The following HEATR5A variants were observed in gnomAD, a reference collection of about 807,000 sequenced individuals.
The protein encoded by HEATR5A is HEAT repeat-containing protein 5A.
A neutral mutation model predicts 218.8 loss-of-function variants in HEATR5A; 178 were observed. The ratio of observed to expected loss-of-function variants is 0.81; its 90% CI spans 0.72 to 0.92. The LOEUF (loss-of-function observed/expected upper bound fraction) is 0.92, where lower values mean the gene tolerates loss of function less well. Among genes scored for constraint, HEATR5A ranks in the 40% least tolerant of loss-of-function variants. The pLI is 0.00. For missense variants in HEATR5A, 2,420 were observed against 2,418.9 expected (o/e 1.00, Z -0.01); for synonymous variants, 864 against 871.6 (o/e 0.99, Z 0.15).
Position 31,295,999 on chromosome 14 carries a change from C to CT in HEATR5A, c.5528_5529insA (p.Ser1844ValfsTer18), listed in dbSNP as rs1566744172. 1 of 1,613,142 alleles carries CT rather than the reference C, an allele frequency of 6.2e-7. No homozygotes were observed. The highest frequency in any genetic ancestry group is 1.3e-5 in the African/African-American group (1 of 74,860). ...TGGTAGTTACTTCTGGACTGGTAGA[C>CT]AAAATAAACACTGTGATAGCAGTAA... On this transcript the variant is annotated frameshift_variant, in exon 34 of 36. Coordinates refer to ENST00000543095, the MANE Select transcript of HEATR5A (RefSeq NM_015473.4). LOFTEE classifies it high-confidence loss of function.
intron 22 of HEATR5A, among the ~76,000 whole-genome samples, chr14:31,336,241 T>C (rs1166290372): frequency 4.9e-5 from 6 of 122,472 alleles, no homozygotes; most frequent in African/African-American, 2.3e-4. Context: ...TATATATATA[T>C]ATATATATAT....
At position 31,326,267 on chromosome 14, in the gene HEATR5A, C is replaced by A. The variant is rs776049866; in HGVS notation, c.3443G>T (p.Cys1148Phe). ...LLDKETDERL[C>F]HDIKETLNYM... Reference sequence around the variant, plus strand: ...ATTTAAAGTCTCTTTGATATCATGGCATAATCTCTCATCTGTCTCCTTGTC... The same window carrying A: ...ATTTAAAGTCTCTTTGATATCATGGAATAATCTCTCATCTGTCTCCTTGTC... Residue 1148 changes from cysteine (C) to phenylalanine (F), a missense_variant, in exon 23 of 36, where the codon TGC (cysteine) becomes TTC (phenylalanine). By Grantham distance (205) the Cys-to-Phe change is radical. Transcript: ENST00000543095. 1 of 1,612,976 alleles carries A rather than the reference C, an allele frequency of 6.2e-7. No individual in the cohort carries two copies. The highest frequency in any genetic ancestry group is 1.1e-5 in the South Asian group (1 of 91,064).
intron 24 of HEATR5A, among the ~76,000 whole-genome samples, chr14:31,323,335 A>T (rs992396885): frequency 1.3e-5 from 2 of 151,988 alleles, no homozygotes. Context: ...TAATTAAAAA[A>T]ATTTTTTTAA....
chr14:31,366,766 C>G (rs1385372922), intron 13 of HEATR5A, among the ~76,000 whole-genome samples: 1 of 152,096 alleles, frequency 6.6e-6, no homozygotes, highest in Non-Finnish European at 1.5e-5. Context: ...AAAAATGAAA[C>G]AAGACATAAG....
At chr14:31,400,165 TAAG>T in intron 3 of HEATR5A, 133 bp downstream of exon 3, 1 of 559,508 alleles carries the variant, frequency 1.8e-6, no homozygotes. Flanking sequence ...GTTTCTTTTT[TAAG>T]TTAGATTTTG....
At chr14:31,316,279 C>T (rs1444400112) in intron 26 of HEATR5A, among the ~76,000 whole-genome samples, 1 of 151,690 alleles carries the variant, frequency 6.6e-6, no homozygotes, top group Non-Finnish European at 1.5e-5. Flanking sequence ...CAGAGTGAGA[C>T]CCCATCTCTT....
chr14:31,389,710 C>T (rs145786603), intron 6 of HEATR5A, among the ~76,000 whole-genome samples: 97 of 152,212 alleles, frequency 6.4e-4, no homozygotes, highest in Admixed American at 5.4e-3. Flanking sequence ...AGCTCTGACC[C>T]TCTACAAGAG....
intron 9 of HEATR5A, among the ~76,000 whole-genome samples, chr14:31,384,915 C>G (rs1208797755): frequency 6.6e-6 from 1 of 152,126 alleles, no homozygotes; most frequent in Non-Finnish European, 1.5e-5. Context: ...CAGTGGGCTA[C>G]TAACCAACTA....
intron 1 of HEATR5A, among the ~76,000 whole-genome samples, chr14:31,406,800 A>T (rs2031076871): frequency 6.6e-6 from 1 of 152,132 alleles, no homozygotes; most frequent in African/African-American, 2.4e-5. Context: ...TCTACCAAAA[A>T]TACAAAAAAT....
chr14:31,318,479 T>A (rs1899981131), intron 25 of HEATR5A, among the ~76,000 whole-genome samples, 187 bp from the exon 26 acceptor site: 1 of 152,198 alleles, frequency 6.6e-6, no homozygotes, highest in South Asian at 2.1e-4. Context: ...CGGGGAACGA[T>A]CTTCTCTCCC....
chr14:31,407,552 T>A (rs1266576465), intron 1 of HEATR5A, among the ~76,000 whole-genome samples: 1 of 113,026 alleles, frequency 8.8e-6, no homozygotes, highest in African/African-American at 3.3e-5. Context: ...GGAGAAACAT[T>A]AACATGTACC....
chr14:31,335,088 A>C (rs1595109124), intron 22 of HEATR5A, among the ~76,000 whole-genome samples: 2 of 152,334 alleles, frequency 1.3e-5, no homozygotes, highest in East Asian at 3.8e-4. Context: ...CTGAAGGCTC[A>C]GATGATGGTT....
intron 21 of HEATR5A, 144 bp downstream of exon 21, chr14:31,343,752 A>G (rs1900919771): frequency 1.8e-6 from 1 of 566,218 alleles, no homozygotes; most frequent in African/African-American, 1.9e-5. Context: ...CCTACTCCCG[A>G]AAAAGACTAG....
At chr14:31,315,313 A>G (rs80134417) in intron 27 of HEATR5A, among the ~76,000 whole-genome samples, 2,084 of 152,360 alleles carry the variant, frequency 0.014, 40 homozygotes, top group East Asian at 0.062. Context: ...ATTAAAAAAT[A>G]CTATAGCTTT....
At chr14:31,350,788 G>GTTT (rs1901198390) in intron 16 of HEATR5A, 71 bp from the exon 17 acceptor site, 1 of 854,780 alleles carries the variant, frequency 1.2e-6, no homozygotes, top group African/African-American at 1.7e-5. Flanking sequence ...TTGTTTGTTT[G>GTTT]TTTGTTTGAG....
chr14:31,400,750 G>A (rs1270202325), intron 2 of HEATR5A, among the ~76,000 whole-genome samples: 1 of 151,940 alleles, frequency 6.6e-6, no homozygotes, highest in Admixed American at 6.6e-5. Flanking sequence ...ACATTACACT[G>A]CAATCTCTGT....
At chr14:31,359,279 AGTGTAAGAGTGTGTGTGTGTGTGT>A (rs1486774409) in intron 14 of HEATR5A, among the ~76,000 whole-genome samples, 5 of 102,640 alleles carry the variant, frequency 4.9e-5, no homozygotes, top group African/African-American at 6.9e-5. Flanking sequence ...AACATCTCAA[AGTGTAAGAGTGTGTGTGTGTGTGT>A]GTGTGTGTGT....
At chr14:31,354,169 T>G (rs1286747897) in intron 16 of HEATR5A, among the ~76,000 whole-genome samples, 3 of 151,982 alleles carry the variant, frequency 2.0e-5, no homozygotes, top group African/African-American at 7.3e-5. Context: ...AGGGTAAATG[T>G]GACAACAATG....
In HEATR5A at chr14:31,358,789, A is replaced by G; in HGVS notation, c.2259T>C (p.Ala753=). ...AAGGGTCATATTCAAGACTTCCGCA[A>G]GCAACACCATTACCAAGCAGGAGCT... is the stretch of plus-strand genomic sequence containing the variant. ...EEQLLLGNGV[A]CGSLEYDPYS... Residue 753 remains alanine, a synonymous_variant, in exon 16 of 36, where the codon GCT becomes GCC. Coordinates refer to ENST00000543095, the MANE Select transcript of HEATR5A (RefSeq NM_015473.4). The G allele has an allele frequency of 1.9e-6, 3 of 1,613,900 alleles. No homozygotes were observed. The highest frequency in any genetic ancestry group is 2.5e-6 in the Non-Finnish European group (3 of 1,179,858).
Sources: allele counts gnomAD v4.1 joint callset (sites outside exome capture counted in the v4.1 genomes callset), GRCh38; gene constraint gnomAD v4.1.1; transcripts MANE v1.5; gene names NCBI Gene and HGNC (gene_info 2026-07-23, HGNC 2026-07-21).